The following PEBP4 variants were observed in gnomAD, a reference collection of about 807,000 sequenced individuals.
The protein encoded by PEBP4 is phosphatidylethanolamine binding protein 4.
In PEBP4, 22 loss-of-function variants were observed where a neutral mutation model predicts 23.9. The observed-to-expected ratio is 0.92, with a 90% CI of 0.66 to 1.31. The LOEUF is 1.31. Ranked by LOEUF, PEBP4 falls within the 40% of genes most tolerant of loss-of-function variation. PEBP4 has a pLI of 0.00. For synonymous variants in PEBP4, 112 were observed against 99.3 expected (o/e 1.13, Z -0.76); for missense variants, 324 against 281.7 (o/e 1.15, Z -1.07).
At chr8:22,790,221 A>T (rs1806111667) in intron 4 of PEBP4, among the ~76,000 whole-genome samples, 1 of 151,346 alleles carries the variant, frequency 6.6e-6, no homozygotes, top group Non-Finnish European at 1.5e-5. Flanking sequence ...TCCTTCATTC[A>T]CTCATTTATT....
At chr8:22,830,060 ATTC>A (rs1160678561) in intron 3 of PEBP4, among the ~76,000 whole-genome samples, 3 of 150,054 alleles carry the variant, frequency 2.0e-5, no homozygotes, top group Non-Finnish European at 4.4e-5. Context: ...CTTCCATCCT[ATTC>A]TTCTTCCTCA....
Position 22,775,923 on chromosome 8 carries a change from T to C in PEBP4, c.357+41714A>G, listed in dbSNP as rs1395347134. On this transcript the variant is annotated intron_variant, in intron 4 of 6. Coordinates refer to ENST00000256404, the MANE Select transcript of PEBP4 (RefSeq NM_144962.3). The surrounding 1 kb of genome is among the most constrained non-coding windows in gnomAD (Gnocchi z 4.8). ...TGAGCTTCTCTGGGCCATCTGTCCC[T>C]ACCAGGGATGGCCAGGGTGGTCTGG... 6.6e-6 allele frequency among the ~76,000 whole-genome samples: 1 copy of C among 152,096 alleles called. No individual in the cohort carries two copies. Among genetic ancestry groups the C allele is most frequent in the Non-Finnish European group, 1.5e-5 (1 of 68,006 alleles).
chr8:22,726,508 C>T (rs1001212965), intron 5 of PEBP4, among the ~76,000 whole-genome samples: 2 of 152,230 alleles, frequency 1.3e-5, no homozygotes, highest in Admixed American at 6.5e-5. Flanking sequence ...CTCAAGAATC[C>T]CCTCTTCAAA....
At chr8:22,889,774 C>T (rs1808455730) in intron 3 of PEBP4, among the ~76,000 whole-genome samples, 3 of 152,214 alleles carry the variant, frequency 2.0e-5, no homozygotes, top group African/African-American at 4.8e-5. Context: ...GTTTTTCTGT[C>T]TGCCACCAAC....
intron 4 of PEBP4, among the ~76,000 whole-genome samples, chr8:22,802,838 A>G (rs1352335481): frequency 6.6e-6 from 1 of 152,170 alleles, no homozygotes; most frequent in Non-Finnish European, 1.5e-5. Flanking sequence ...TTAGTGGAGG[A>G]TCAAGTATGG....
chr8:22,790,242 A>G (rs964607903), intron 4 of PEBP4, among the ~76,000 whole-genome samples: 4 of 152,004 alleles, frequency 2.6e-5, no homozygotes, highest in Non-Finnish European at 5.9e-5. Context: ...TATTCATCAC[A>G]TGTGCAGGCA....
At chr8:22,900,610 C>T (rs571265301) in intron 3 of PEBP4, among the ~76,000 whole-genome samples, 2 of 149,438 alleles carry the variant, frequency 1.3e-5, no homozygotes, top group African/African-American at 5.0e-5. Flanking sequence ...GATCATGCCA[C>T]GGTACTCCAG....
At chr8:22,937,403 C>T (rs1162912899) in intron 1 of PEBP4, among the ~76,000 whole-genome samples, 1 of 152,084 alleles carries the variant, frequency 6.6e-6, no homozygotes, top group Non-Finnish European at 1.5e-5. Flanking sequence ...GACTTGCACA[C>T]TGAAACTACA....
chr8:22,863,720 C>T (rs937971), intron 3 of PEBP4, among the ~76,000 whole-genome samples: 78,620 of 151,978 alleles, frequency 0.52, 23,663 homozygotes, highest in South Asian at 0.71. Flanking sequence ...GGGTGGGTCT[C>T]TGCCCTCCAG....
intron 3 of PEBP4, among the ~76,000 whole-genome samples, chr8:22,866,436 GA>G (rs1807904407): frequency 6.6e-6 from 1 of 152,188 alleles, no homozygotes; most frequent in South Asian, 2.1e-4. Flanking sequence ...GAGAAAGAGA[GA>G]AAACAAAATT....
At chr8:22,749,802 A>ATTTTTTTTTTTTTTTTTTTTT (rs754912133) in intron 4 of PEBP4, among the ~76,000 whole-genome samples, 1 of 41,586 alleles carries the variant, frequency 2.4e-5, no homozygotes, top group Non-Finnish European at 6.4e-5. Flanking sequence ...TCAGTTTGTC[A>ATTTTTTTTTTTTTTTTTTTTT]TTCTTTTTTT....
rs1049667647 is a variant in PEBP4 at position 22,762,993 on chromosome 8, T to A, written c.358-35773A>T. On this transcript the variant is annotated intron_variant, in intron 4 of 6. Transcript: ENST00000256404. ...AATAAAATGACAGCAGCATCTTTTC[T>A]GAGGGCTGAAAGAAGTCTTTTTTTT... 3.3e-5 allele frequency among the ~76,000 whole-genome samples: 5 copies of A among 152,056 alleles called. 1 individual carries two copies. Among genetic ancestry groups the A allele is most frequent in the Non-Finnish European group, 7.4e-5 (5 of 68,014 alleles).
At chr8:22,924,822 C>G in intron 2 of PEBP4, 1 of 985,326 alleles carries the variant, frequency 1.0e-6, no homozygotes, top group Non-Finnish European at 1.2e-6. Context: ...TTTTGCTGGT[C>G]TTGTCTGGGG....
intron 5 of PEBP4, among the ~76,000 whole-genome samples, chr8:22,726,534 G>C (rs1041489801): frequency 1.3e-5 from 2 of 152,272 alleles, no homozygotes; most frequent in Non-Finnish European, 2.9e-5. Context: ...CAAAGGCAGA[G>C]AATTGAGGCG....
At chr8:22,932,579 T>C (rs1809474524), upstream of PEBP4, among the ~76,000 whole-genome samples, 1 of 152,080 alleles carries the variant, frequency 6.6e-6, no homozygotes, top group African/African-American at 2.4e-5. Context: ...ACTAACTTTA[T>C]AGAAGCTCTG....
chr8:22,934,214 T>C (rs1585163746), intron 1 of PEBP4, among the ~76,000 whole-genome samples: 1 of 152,080 alleles, frequency 6.6e-6, no homozygotes, highest in South Asian at 2.1e-4. Context: ...ATATCTAAAT[T>C]ATAGCACAGG....
chr8:22,809,440 G>T lies in PEBP4; in HGVS notation c.357+8197C>A, dbSNP rs561032332. On this transcript the variant is annotated intron_variant, in intron 4 of 6. Coordinates refer to ENST00000256404, the MANE Select transcript of PEBP4 (RefSeq NM_144962.3). ...CACCACCTCTGAGCCCCCACACATG[G>T]CCACAATATAAGCTGTCACCTGGGC... Among the ~76,000 whole-genome samples the T allele has an allele frequency of 3.9e-5, 6 of 152,238 alleles. No homozygotes were observed. The East Asian group carries it at 1.2e-3, about 29-fold the overall frequency.
chr8:22,806,100 C>G (rs1488479152), intron 4 of PEBP4, among the ~76,000 whole-genome samples: 4 of 152,088 alleles, frequency 2.6e-5, no homozygotes, highest in Admixed American at 2.6e-4. Flanking sequence ...TGATCTTTTC[C>G]CCTCATGAAC....
intron 2 of PEBP4, among the ~76,000 whole-genome samples, chr8:22,922,085 C>T (rs1422736471): frequency 6.6e-6 from 1 of 152,230 alleles, no homozygotes; most frequent in Non-Finnish European, 1.5e-5. Context: ...GGGCACAGAG[C>T]CACAGAGAGT....
Sources: gnomAD v4.1 joint callset for allele counts (sites outside exome capture counted in the v4.1 genomes callset) on GRCh38, gnomAD v4.1.1 for gene constraint, Gnocchi (gnomAD v3.1) non-coding constraint, MANE v1.5 for transcripts, NCBI Gene and HGNC (gene_info 2026-07-23, HGNC 2026-07-21) for gene names.